The following INPP4B variants were observed in gnomAD, a reference collection of about 807,000 sequenced individuals.
INPP4B encodes the protein inositol polyphosphate-4-phosphatase type II B.
A neutral mutation model predicts 122.5 loss-of-function variants in INPP4B; 55 were observed. The ratio of observed to expected loss-of-function variants is 0.45; its 90% confidence interval spans 0.36 to 0.56. The LOEUF (loss-of-function observed/expected upper bound fraction) is 0.56, where lower values mean the gene tolerates loss of function less well. Among genes scored for constraint, INPP4B ranks in the 20% least tolerant of loss-of-function variants. INPP4B has a pLI of 0.00. For missense variants in INPP4B, 1,000 were observed against 1,097.7 expected, an observed-to-expected ratio of 0.91 and a Z score of 1.26; for synonymous variants, 403 against 388.7, an observed-to-expected ratio of 1.04 and a Z score of -0.43.
intron 21 of INPP4B, among the ~76,000 whole-genome samples, 155 bp downstream of exon 21, chr4:142,121,973 T>A (rs1467875281): frequency 6.6e-6 from 1 of 151,954 alleles, no homozygotes; most frequent in Non-Finnish European, 1.5e-5. Flanking sequence ...TTGTCCCCTA[T>A]CATATCATCC....
At chr4:142,037,127 ACTTAAGGG>A (rs1322970401) in intron 25 of INPP4B, among the ~76,000 whole-genome samples, 1 of 152,204 alleles carries the variant, frequency 6.6e-6, no homozygotes, top group Non-Finnish European at 1.5e-5. Flanking sequence ...AAGATCAGAC[ACTTAAGGG>A]CAGTTGTTAA....
At chr4:142,643,984 T>A (rs1010486181) in intron 2 of INPP4B, among the ~76,000 whole-genome samples, 1 of 152,078 alleles carries the variant, frequency 6.6e-6, no homozygotes, top group Admixed American at 6.6e-5. Context: ...GAGGATCATT[T>A]GAGGCCAGGA....
At chr4:142,363,860 A>G (rs1278357675) in intron 7 of INPP4B, among the ~76,000 whole-genome samples, 1 of 152,074 alleles carries the variant, frequency 6.6e-6, no homozygotes, top group Non-Finnish European at 1.5e-5. Flanking sequence ...TGCATTCCTC[A>G]AGATGGATGA....
At chr4:142,624,595 A>G (rs1342376945) in intron 2 of INPP4B, among the ~76,000 whole-genome samples, 3 of 152,162 alleles carry the variant, frequency 2.0e-5, no homozygotes, top group Non-Finnish European at 4.4e-5. Flanking sequence ...ATTCCAATCA[A>G]TAGAAAAAGA....
At chr4:142,828,380 A>G (rs1352741840) in intron 1 of INPP4B, among the ~76,000 whole-genome samples, 3 of 152,178 alleles carry the variant, frequency 2.0e-5, no homozygotes, top group African/African-American at 7.2e-5. Context: ...CCTATCAGAA[A>G]AGGAACAGCT....
chr4:142,579,866 G>A (rs1199442996), intron 2 of INPP4B, among the ~76,000 whole-genome samples: 1 of 121,008 alleles, frequency 8.3e-6, no homozygotes, highest in Non-Finnish European at 1.7e-5. Flanking sequence ...TGGATAGATA[G>A]ATAGATAGGT....
chr4:142,601,581 C>G (rs1196377221), intron 2 of INPP4B, among the ~76,000 whole-genome samples: 1 of 93,922 alleles, frequency 1.1e-5, no homozygotes, highest in Non-Finnish European at 2.2e-5. Flanking sequence ...ACTCCTATGT[C>G]AAAAAAAAAA....
chr4:142,313,817 C>T (rs909930390), intron 8 of INPP4B, among the ~76,000 whole-genome samples: 1 of 152,160 alleles, frequency 6.6e-6, no homozygotes, highest in African/African-American at 2.4e-5. Flanking sequence ...TTTCCCTCTG[C>T]TTTTTCACTA....
intron 25 of INPP4B, among the ~76,000 whole-genome samples, chr4:142,047,777 A>G (rs368643408): frequency 2.0e-5 from 3 of 152,120 alleles, no homozygotes; most frequent in East Asian, 3.9e-4. Context: ...ACAAAGAAAG[A>G]TAGCACAGAT....
intron 9 of INPP4B, among the ~76,000 whole-genome samples, chr4:142,273,868 T>C (rs1747106685): frequency 6.6e-6 from 1 of 151,876 alleles, no homozygotes; most frequent in South Asian, 2.1e-4. Context: ...ACTAAAGAAC[T>C]AAACACAAGA....
chr4:142,260,440 A>C (rs891709430), intron 11 of INPP4B, 52 bp downstream of exon 11: 9 of 1,130,828 alleles, frequency 8.0e-6, no homozygotes, highest in Non-Finnish European at 1.2e-5. Flanking sequence ...TTTTACATAA[A>C]ATTAAAATTC....
chr4:142,305,664 C>T, intron 8 of INPP4B, 127 bp from the exon 9 acceptor site: 1 of 1,477,974 alleles, frequency 6.8e-7, no homozygotes, highest in Non-Finnish European at 9.1e-7. Flanking sequence ...ACAAATATTT[C>T]AGTAACAGAG....
At chr4:142,637,259 G>C (rs769235121) in intron 2 of INPP4B, among the ~76,000 whole-genome samples, 2 of 152,024 alleles carry the variant, frequency 1.3e-5, no homozygotes, top group Non-Finnish European at 2.9e-5. Flanking sequence ...TATGGGTTTT[G>C]ACATATGTAT....
At chr4:142,524,974 T>C (rs1343216043) in intron 2 of INPP4B, among the ~76,000 whole-genome samples, 1 of 152,072 alleles carries the variant, frequency 6.6e-6, no homozygotes, top group Non-Finnish European at 1.5e-5. Context: ...GACATGATTG[T>C]ATATCTAGAA....
chr4:142,811,774 T>C (rs1393438445), intron 1 of INPP4B, among the ~76,000 whole-genome samples: 1 of 152,206 alleles, frequency 6.6e-6, no homozygotes, highest in African/African-American at 2.4e-5. Flanking sequence ...ATATCATTTC[T>C]TCATTTTATT....
intron 2 of INPP4B, among the ~76,000 whole-genome samples, chr4:142,513,828 A>G (rs1178858593): frequency 6.6e-6 from 1 of 152,198 alleles, no homozygotes; most frequent in Non-Finnish European, 1.5e-5. Context: ...GGATTTAAAC[A>G]TATGAATTCT....
At chr4:142,828,546 C>T (rs1194675047) in intron 1 of INPP4B, among the ~76,000 whole-genome samples, 2 of 150,958 alleles carry the variant, frequency 1.3e-5, no homozygotes, top group African/African-American at 5.0e-5. Flanking sequence ...TGATATCTTA[C>T]AGAAAAAAAA....
At chr4:142,842,446 G>T (rs1783607752) in intron 1 of INPP4B, among the ~76,000 whole-genome samples, 1 of 148,376 alleles carries the variant, frequency 6.7e-6, no homozygotes, top group Non-Finnish European at 1.5e-5. Context: ...GTATACCATT[G>T]ATAGCAAGAT....
At chr4:142,355,764 T>C (rs1420680883) in intron 7 of INPP4B, among the ~76,000 whole-genome samples, 1 of 151,990 alleles carries the variant, frequency 6.6e-6, no homozygotes, top group Admixed American at 6.6e-5. Context: ...GTGTTAATCA[T>C]GCAAACTTTG....
Sources: gnomAD v4.1 joint callset for allele counts (sites outside exome capture counted in the v4.1 genomes callset) on GRCh38, gnomAD v4.1.1 for gene constraint, MANE v1.5 for transcripts, NCBI Gene and HGNC (gene_info 2026-07-23, HGNC 2026-07-21) for gene names.